ADCYAP1R1: variants seen among roughly 807,000 people sequenced by gnomAD.
ADCYAP1R1 encodes the protein ADCYAP receptor type I, also known as pituitary adenylate cyclase-activating polypeptide type I receptor.
Under a neutral mutation model 67.6 loss-of-function variants are expected in ADCYAP1R1, and 44 were observed. That is an observed-to-expected ratio of 0.65 (90% CI 0.51 to 0.84). The LOEUF (loss-of-function observed/expected upper bound fraction) is 0.84. Ranked by LOEUF, ADCYAP1R1 falls within the 40% of genes least tolerant of loss-of-function variation. ADCYAP1R1 has a pLI of 0.00. For synonymous variants in ADCYAP1R1, 222 were observed against 219.6 expected, an observed-to-expected ratio of 1.01 and a Z score of -0.10; for missense variants, 477 against 587.9, an observed-to-expected ratio of 0.81 and a Z score of 1.95.
At chr7:31,076,486 G>A (rs73088302) in intron 3 of ADCYAP1R1, among the ~76,000 whole-genome samples, 8,435 of 152,246 alleles carry the variant, frequency 0.055, 328 homozygotes, top group Middle Eastern at 0.078. Flanking sequence ...AAGCTTGACA[G>A]TTTCCTCTTC....
chr7:31,077,044 T>A (rs1307271212), intron 3 of ADCYAP1R1, among the ~76,000 whole-genome samples: 3 of 152,104 alleles, frequency 2.0e-5, no homozygotes, highest in Non-Finnish European at 4.4e-5. Flanking sequence ...AGGTGAGGGC[T>A]CCCTCCTTCC....
rs1796699760 is a variant in ADCYAP1R1 at position 31,107,562 on chromosome 7, G to A, written c.*878G>A. ...TTCCACCTCTTCCACCCTCATGGAT[G>A]CCTTCCAGAAGCTGTCTCCAACCAT... On this transcript the variant is annotated 3_prime_UTR_variant, in exon 16 of 16. Transcript: ENST00000304166. The A allele has an allele frequency of 6.6e-6, 1 of 152,272 alleles. No individual in the cohort carries two copies. The highest frequency in any genetic ancestry group is 1.5e-5 in the Non-Finnish European group (1 of 68,126). The allele number at this position is 152,272 out of a possible 1,614,324, so 9.4% of individuals were successfully genotyped here. A position where few individuals can be genotyped will look rare whatever the true frequency, so the allele number is the denominator to read the frequency against.
intron 1 of ADCYAP1R1, among the ~76,000 whole-genome samples, chr7:31,061,314 G>C (rs1342770193): frequency 1.3e-5 from 2 of 152,234 alleles, no homozygotes; most frequent in African/African-American, 2.4e-5. Flanking sequence ...AGTCAGGAGG[G>C]TTGTCTCTTT....
chr7:31,094,358 G>A (rs140847506), intron 13 of ADCYAP1R1, among the ~76,000 whole-genome samples: 51 of 152,080 alleles, frequency 3.4e-4, no homozygotes, highest in African/African-American at 1.2e-3. Context: ...CCCGCTGCTC[G>A]CCTCATCTCC....
Position 31,097,107 on chromosome 7 carries a change from A to G in ADCYAP1R1, c.1046+4372A>G, listed in dbSNP as rs140762712. On this transcript the variant is annotated intron_variant, in intron 13 of 15. Coordinates refer to ENST00000304166, the MANE Select transcript of ADCYAP1R1 (RefSeq NM_001118.5). ...AAATAGCTGTGACTTTCCTGCAGAC[A>G]CACAATGAAGCTGTGGCGTAGCCAG... Among the ~76,000 whole-genome samples, 311 of 152,336 alleles carry G rather than the reference A, an allele frequency of 2.0e-3. 1 individual carries two copies. Among genetic ancestry groups the G allele is most frequent in the African/African-American group, 6.7e-3 (277 of 41,586 alleles).
chr7:31,092,712 A>G lies in ADCYAP1R1; in HGVS notation c.1023A>G (p.Gly341=). Residue 341 remains glycine, a synonymous_variant, in exon 13 of 16, where the codon GGA becomes GGG. Transcript: ENST00000304166. ...AGAAACTTCAGTCTCCAGACATGGG[A>G]GGCAATGAGTCCAGCATCTACTTGT... ...LVQKLQSPDM[G]GNESSIYLRL... The G allele has an allele frequency of 6.2e-7, 1 of 1,612,604 alleles. No homozygotes were observed. The highest frequency in any genetic ancestry group is 8.5e-7 in the Non-Finnish European group (1 of 1,179,736).
chr7:31,085,323 A>C lies in ADCYAP1R1; in HGVS notation c.550A>C (p.Thr184Pro), dbSNP rs781127330. ...ILCRFRKLHC[T>P]RNFIHMNLFV... ...CCACTCATGTAGGAAGCTGCACTGCACACGCAACTTCATCCACATGAACCT... is the reference window on the plus strand; with the variant it reads ...CCACTCATGTAGGAAGCTGCACTGCCCACGCAACTTCATCCACATGAACCT... Residue 184 changes from threonine (T) to proline (P), a missense_variant, in exon 9 of 16, where the codon ACA becomes CCA. Thr to Pro is a conservative substitution (Grantham distance 38, BLOSUM62 -1). Transcript: ENST00000304166. 44 of 1,613,818 alleles carry C rather than the reference A, an allele frequency of 2.7e-5. No individual in the cohort carries two copies. The Admixed American group carries it at 7.3e-4, about 27-fold the overall frequency.
At chr7:31,058,455 G>C (rs1794352763) in intron 1 of ADCYAP1R1, among the ~76,000 whole-genome samples, 1 of 152,142 alleles carries the variant, frequency 6.6e-6, no homozygotes, top group Non-Finnish European at 1.5e-5. Context: ...AAGGGGAATG[G>C]TGTGCTATTG....
chr7:31,085,166 A>T, intron 8 of ADCYAP1R1, 144 bp from the exon 9 acceptor site: 2 of 1,139,030 alleles, frequency 1.8e-6, no homozygotes, highest in Non-Finnish European at 2.5e-6. Flanking sequence ...GTGAGGATTT[A>T]GAGAGGTGGC....
rs956598678 is a variant in ADCYAP1R1 at position 31,081,860 on chromosome 7, G to A, written c.328+106G>A. ...CCAGGCTGGGCTCTGCTCCTCTGTG[G>A]CTGTGTGATCTTTGGCAGGTGACTT... On this transcript the variant is annotated intron_variant, in intron 6 of 15. Coordinates refer to ENST00000304166, the MANE Select transcript of ADCYAP1R1 (RefSeq NM_001118.5). 26 of 856,168 alleles carry A rather than the reference G, an allele frequency of 3.0e-5. No individual in the cohort carries two copies. The African/African-American group carries it at 4.2e-4, about 14-fold the overall frequency. 53.0% of individuals were successfully genotyped at this position (856,168 alleles called of 1,614,324 possible).
intron 13 of ADCYAP1R1, among the ~76,000 whole-genome samples, chr7:31,100,793 C>G (rs1796404207): frequency 6.6e-6 from 1 of 152,184 alleles, no homozygotes; most frequent in African/African-American, 2.4e-5. Flanking sequence ...CCAGAGAATC[C>G]TAAGCACTTC....
At chr7:31,080,300 G>T (rs1460062557) in intron 4 of ADCYAP1R1, among the ~76,000 whole-genome samples, 4 of 152,194 alleles carry the variant, frequency 2.6e-5, no homozygotes, top group African/African-American at 9.6e-5. Context: ...TGGGATTCCT[G>T]TGTTTCTTCT....
At chr7:31,096,575 C>T (rs1173532858) in intron 13 of ADCYAP1R1, among the ~76,000 whole-genome samples, 2 of 152,220 alleles carry the variant, frequency 1.3e-5, no homozygotes, top group African/African-American at 4.8e-5. Context: ...CAGTCAGTGG[C>T]TGAGCAAAAC....
rs113280138 is a variant in ADCYAP1R1, at chr7:31,055,890, C to G, written c.-72+3212C>G. 5.9e-5 allele frequency among the ~76,000 whole-genome samples: 9 copies of G among 152,200 alleles called. No individual in the cohort carries two copies. The East Asian group carries it at 1.7e-3, about 29-fold the overall frequency. On this transcript the variant is annotated intron_variant, in intron 1 of 15. Transcript: ENST00000304166. ...AGGGTCCCTGCCTGGCCTCAGCACC[C>G]TCCCCCAGATTGGCCTCTGCTTTGT...
At chr7:31,065,481 T>C (rs991830627) in intron 3 of ADCYAP1R1, among the ~76,000 whole-genome samples, 1 of 152,148 alleles carries the variant, frequency 6.6e-6, no homozygotes, top group Non-Finnish European at 1.5e-5. Flanking sequence ...GAAGCACACA[T>C]TGCAGGACAT....
chr7:31,094,246 G>A (rs1386881756), intron 13 of ADCYAP1R1, among the ~76,000 whole-genome samples: 1 of 151,896 alleles, frequency 6.6e-6, no homozygotes, highest in African/African-American at 2.4e-5. Context: ...TAAAGTCTTA[G>A]AGGCCCTGCC....
intron 12 of ADCYAP1R1, among the ~76,000 whole-genome samples, chr7:31,092,168 C>T (rs558148682): frequency 6.7e-6 from 1 of 148,584 alleles, no homozygotes; most frequent in African/African-American, 2.5e-5. Flanking sequence ...AGCTTTTGTC[C>T]CTAGTCTTTA....
At chr7:31,076,945 G>A (rs912991006) in intron 3 of ADCYAP1R1, among the ~76,000 whole-genome samples, 3 of 152,126 alleles carry the variant, frequency 2.0e-5, no homozygotes, top group Admixed American at 2.0e-4. Context: ...ATCCAGCCCT[G>A]GCCTGCTGTG....
chr7:31,062,434 G>A (rs950985063), intron 1 of ADCYAP1R1, among the ~76,000 whole-genome samples: 1 of 152,244 alleles, frequency 6.6e-6, no homozygotes, highest in Non-Finnish European at 1.5e-5. Flanking sequence ...AGGGCAAAAA[G>A]TGGGTGTAAT....
Sources: allele counts gnomAD v4.1 joint callset (sites outside exome capture counted in the v4.1 genomes callset), GRCh38; gene constraint gnomAD v4.1.1; transcripts MANE v1.5; gene names NCBI Gene and HGNC (gene_info 2026-07-23, HGNC 2026-07-21).